DYNLT2: variants seen among roughly 807,000 people sequenced by gnomAD.
DYNLT2 encodes the protein dynein light chain Tctex-type protein 2.
DYNLT2 carries 24 observed loss-of-function variants against 24.3 expected under a neutral mutation model. The observed-to-expected ratio is 0.99, with a 90% CI of 0.71 to 1.39. The LOEUF (loss-of-function observed/expected upper bound fraction) is 1.39, where lower values mean the gene tolerates loss of function less well. DYNLT2 is among the 40% of genes most tolerant of loss of function. The probability of loss-of-function intolerance (pLI) is 0.00; values close to 1 mark genes in which losing one functional copy is unlikely to be tolerated. For synonymous variants in DYNLT2, 85 were observed against 85.4 expected, an observed-to-expected ratio of 1.00 and a Z score of 0.03; for missense variants, 246 against 234.5, an observed-to-expected ratio of 1.05 and a Z score of -0.32.
chr6:169,733,712 T>C, the DYNLT2 span, among the ~76,000 whole-genome samples: 1 of 152,092 alleles, frequency 6.6e-6, no homozygotes, highest in Non-Finnish European at 1.5e-5. Flanking sequence ...TTTGAAGTCA[T>C]GTAGCATGAT....
chr6:169,726,535 T>G, the DYNLT2 span, among the ~76,000 whole-genome samples: 1 of 152,214 alleles, frequency 6.6e-6, no homozygotes, highest in Non-Finnish European at 1.5e-5. Context: ...TAAATGAAGA[T>G]GGATTCTAGG....
At position 169,744,121 on chromosome 6, in the gene DYNLT2, A is replaced by G. The variant is rs141005096; in HGVS notation, c.274T>C (p.Leu92=). The G allele has an allele frequency of 1.4e-5, 23 of 1,613,032 alleles. No individual in the cohort carries two copies. In the African/African-American group the frequency reaches 2.5e-4, roughly 18 times the overall value. Residue 92 remains leucine (L), a synonymous_variant, in exon 2 of 4, where the codon TTG becomes CTG. Coordinates refer to ENST00000366774, the MANE Select transcript of DYNLT2 (RefSeq NM_174910.3). ...ACTGAATGAGCTTGGAATTTCTTCA[A>G]TGGCTCCATTCTATATGAATTAGCA... ...KFANSYRMEP[L]KKFQAHSVET...
the DYNLT2 span, among the ~76,000 whole-genome samples, chr6:169,727,853 G>A: frequency 6.6e-6 from 1 of 152,172 alleles, no homozygotes; most frequent in Non-Finnish European, 1.5e-5. Context: ...GTGAGCCACT[G>A]CACCCAGCCA....
chr6:169,740,966 A>G (rs1789666363), intron 3 of DYNLT2, among the ~76,000 whole-genome samples: 1 of 151,852 alleles, frequency 6.6e-6, no homozygotes, highest in Non-Finnish European at 1.5e-5. Flanking sequence ...CTGCCACCAC[A>G]TCCAGCTAAT....
chr6:169,738,473 C>G (rs189091759), downstream of DYNLT2, among the ~76,000 whole-genome samples: 10 of 152,304 alleles, frequency 6.6e-5, no homozygotes, highest in East Asian at 1.7e-3. Context: ...CATGGAAAAA[C>G]AACAGTTTCC....
At chr6:169,744,027 C>A (rs781155519) in intron 2 of DYNLT2, 41 bp downstream of exon 2, 15 of 1,565,576 alleles carry the variant, frequency 9.6e-6, no homozygotes, top group African/African-American at 4.1e-5. Context: ...CTCTGTAGAA[C>A]CCTCATACAA....
chr6:169,726,879 G>A, the DYNLT2 span, among the ~76,000 whole-genome samples: 1 of 152,032 alleles, frequency 6.6e-6, no homozygotes, highest in African/African-American at 2.4e-5. Context: ...TACTGATAAG[G>A]GGGAAAAAAG....
At chr6:169,735,511 T>C (rs971404962), downstream of DYNLT2, among the ~76,000 whole-genome samples, 4 of 152,170 alleles carry the variant, frequency 2.6e-5, no homozygotes, top group African/African-American at 9.7e-5. Flanking sequence ...TCAAATAACT[T>C]CTTGATTTTT....
Position 169,746,771 on chromosome 6 carries a change from A to G in DYNLT2, c.121-2497T>C, listed in dbSNP as rs543691916. On this transcript the variant is annotated intron_variant, in intron 1 of 3. Transcript: ENST00000366774. ...GCCTCTGGCAATGTGCTGGTAATGT[A>G]TTAACGGAGAGGAAGCATTCTGTAG... 7.9e-5 allele frequency among the ~76,000 whole-genome samples: 12 copies of G among 152,164 alleles called. No individual in the cohort carries two copies. In the East Asian group the frequency reaches 2.4e-3, roughly 30 times the overall value.
the DYNLT2 span, among the ~76,000 whole-genome samples, chr6:169,732,361 CCA>C: frequency 6.6e-6 from 1 of 152,032 alleles, no homozygotes; most frequent in Non-Finnish European, 1.5e-5. Context: ...TGCAGAATGT[CCA>C]GATTTGTTAC....
the DYNLT2 span, among the ~76,000 whole-genome samples, chr6:169,728,354 A>G: frequency 6.6e-6 from 1 of 152,204 alleles, no homozygotes; most frequent in Non-Finnish European, 1.5e-5. Flanking sequence ...CTGGAAGGAC[A>G]GGAAATGATT....
chr6:169,725,702 G>A, the DYNLT2 span: 2 of 161,034 alleles, frequency 1.2e-5, no homozygotes, highest in East Asian at 1.8e-4. Context: ...CTCTCCCTCC[G>A]GGATTCTGTC....
chr6:169,751,074 T>C (rs915136433), intron 1 of DYNLT2: 5 of 391,840 alleles, frequency 1.3e-5, no homozygotes, highest in Non-Finnish European at 2.3e-5. Flanking sequence ...GAAAAGAAGA[T>C]CTTGTAACCA....
At position 169,744,645 on chromosome 6, in the gene DYNLT2, C is replaced by T. The variant is rs1585319287; in HGVS notation, c.121-371G>A. Among the ~76,000 whole-genome samples, 3 of 152,240 alleles carry T rather than the reference C, an allele frequency of 2.0e-5. No homozygotes were observed. The South Asian group carries it at 6.2e-4, about 32-fold the overall frequency. ...ATATAGGGAAAACCTTTCTTCCTCC[C>T]TACCCTGAGATTATGAAAATATTAT... On this transcript the variant is annotated intron_variant, in intron 1 of 3. Coordinates refer to ENST00000366774, the MANE Select transcript of DYNLT2 (RefSeq NM_174910.3).
At position 169,744,018 on chromosome 6, in the gene DYNLT2, T is replaced by C. The variant is rs1405879002; in HGVS notation, c.327+50A>G. 8 of 1,535,542 alleles carry C rather than the reference T, an allele frequency of 5.2e-6. No individual in the cohort carries two copies. The South Asian group carries it at 9.2e-5, about 18-fold the overall frequency. ...TCTTCGTATATATAATTTCTGTTTC[T>C]CTGTAGAACCCTCATACAATACTGC... On this transcript the variant is annotated intron_variant, in intron 2 of 3. Transcript: ENST00000366774.
chr6:169,730,485 G>C, the DYNLT2 span, among the ~76,000 whole-genome samples: 3 of 152,204 alleles, frequency 2.0e-5, no homozygotes, highest in Non-Finnish European at 4.4e-5. Context: ...GCCTTCATTT[G>C]AGAGGGCTGC....
the DYNLT2 span, among the ~76,000 whole-genome samples, chr6:169,733,717 C>T: frequency 2.0e-5 from 3 of 152,160 alleles, no homozygotes; most frequent in Non-Finnish European, 4.4e-5. Flanking sequence ...AGTCATGTAG[C>T]ATGATGCCTC....
At chr6:169,746,348 A>T (rs186771999) in intron 1 of DYNLT2, among the ~76,000 whole-genome samples, 2 of 152,088 alleles carry the variant, frequency 1.3e-5, no homozygotes, top group East Asian at 3.9e-4. Flanking sequence ...CTTCTTTTCT[A>T]ATATATGCAC....
chr6:169,746,175 G>C (rs1789793971), intron 1 of DYNLT2, among the ~76,000 whole-genome samples: 1 of 152,076 alleles, frequency 6.6e-6, no homozygotes, highest in Non-Finnish European at 1.5e-5. Context: ...CCTGCATAGA[G>C]GCTTATAGAT....
Sources: allele counts gnomAD v4.1 joint callset (sites outside exome capture counted in the v4.1 genomes callset), GRCh38; gene constraint gnomAD v4.1.1; transcripts MANE v1.5; gene names NCBI Gene and HGNC (gene_info 2026-07-23, HGNC 2026-07-21).